Variants in FAM185A observed in about 807,000 individuals in gnomAD.
FAM185A encodes protein FAM185A.
Under a neutral mutation model 45.7 loss-of-function variants are expected in FAM185A, and 21 were observed. The ratio of observed to expected loss-of-function variants is 0.46; its 90% CI spans 0.33 to 0.66. The LOEUF (loss-of-function observed/expected upper bound fraction) is 0.66. Among genes scored for constraint, FAM185A ranks in the 30% least tolerant of loss-of-function variants. FAM185A has a pLI of 0.03. For synonymous variants in FAM185A, 117 were observed against 194.0 expected (o/e 0.60, Z 3.30); for missense variants, 305 against 485.4 (o/e 0.63, Z 3.49).
the FAM185A span, among the ~76,000 whole-genome samples, chr7:102,818,035 T>C: frequency 6.6e-6 from 1 of 152,252 alleles, no homozygotes; most frequent in Non-Finnish European, 1.5e-5. Context: ...TTGTTTCTTA[T>C]AAATTAAAAG....
chr7:102,826,483 C>G, the FAM185A span, among the ~76,000 whole-genome samples: 1 of 151,492 alleles, frequency 6.6e-6, no homozygotes, highest in Non-Finnish European at 1.5e-5. Flanking sequence ...TGCCTATAAT[C>G]CTAGCATTTT....
the FAM185A span, among the ~76,000 whole-genome samples, chr7:102,840,075 A>C: frequency 6.6e-6 from 1 of 152,226 alleles, no homozygotes; most frequent in African/African-American, 2.4e-5. Context: ...TTAACATATA[A>C]AATTTGACAG....
At chr7:102,810,325 G>A (rs988575975), downstream of FAM185A, among the ~76,000 whole-genome samples, 2 of 149,690 alleles carry the variant, frequency 1.3e-5, no homozygotes, top group Non-Finnish European at 3.0e-5. Flanking sequence ...CTCTGCCTCC[G>A]AGGTTCAAGC....
intron 6 of FAM185A, among the ~76,000 whole-genome samples, chr7:102,782,705 T>G (rs1795487786): frequency 6.6e-6 from 1 of 152,042 alleles, no homozygotes; most frequent in South Asian, 2.1e-4. Context: ...CATGCCAAAT[T>G]GTGAAGACCA....
At chr7:102,812,052 A>C (rs1289210362), downstream of FAM185A, among the ~76,000 whole-genome samples, 1 of 152,224 alleles carries the variant, frequency 6.6e-6, no homozygotes, top group Admixed American at 6.5e-5. Flanking sequence ...GGATACAAAA[A>C]GAGAATTAAC....
intron 4 of FAM185A, among the ~76,000 whole-genome samples, chr7:102,762,317 A>G (rs939765624): frequency 3.3e-5 from 5 of 152,212 alleles, no homozygotes; most frequent in South Asian, 2.1e-4. Context: ...TGATGAGGTA[A>G]TATGGCAAAG....
At chr7:102,796,332 G>A (rs898268956) in intron 7 of FAM185A, among the ~76,000 whole-genome samples, 4 of 152,238 alleles carry the variant, frequency 2.6e-5, no homozygotes, top group Admixed American at 1.3e-4. Flanking sequence ...GATGTTATCC[G>A]CAGGAGCAAT....
intron 5 of FAM185A, among the ~76,000 whole-genome samples, chr7:102,773,571 C>T (rs916099044): frequency 9.2e-5 from 14 of 152,026 alleles, no homozygotes; most frequent in South Asian, 4.2e-4. Context: ...TGGGTAAATA[C>T]GTAGGTATGG....
rs1793227753 is a variant in FAM185A at position 102,749,605 on chromosome 7, C to G, written c.398C>G (p.Ser133Cys). 6.6e-7 allele frequency: 1 copy of G among 1,520,296 alleles called. No homozygotes were observed. The highest frequency in any genetic ancestry group is 8.8e-7 in the Non-Finnish European group (1 of 1,132,472). 94.2% of individuals were successfully genotyped at this position (1,520,296 alleles called of 1,614,324 possible). A position where few individuals can be genotyped will look rare whatever the true frequency, so the allele number is the denominator to read the frequency against. Residue 133 changes from serine (S) to cysteine (C), a missense_variant, in exon 1 of 8, where the codon TCT becomes TGT. Coordinates refer to ENST00000413034, the MANE Select transcript of FAM185A (RefSeq NM_001145268.2). The part of the protein sequence containing the change: ...DEDLEEMAIV[S>C]DTIHPQASVE... ...GATCTGGAGGAGATGGCCATTGTGT[C>G]TGATACTATCCACCCCCAGGCGTCC...
chr7:102,787,224 G>A, intron 6 of FAM185A, 111 bp from the exon 7 acceptor site: 2 of 929,858 alleles, frequency 2.2e-6, no homozygotes, highest in Non-Finnish European at 2.9e-6. Context: ...GTATGCTGAG[G>A]AGTAAAAACA....
At chr7:102,750,573 A>G (rs191711917) in intron 1 of FAM185A, among the ~76,000 whole-genome samples, 32 of 152,226 alleles carry the variant, frequency 2.1e-4, no homozygotes, top group Non-Finnish European at 3.1e-4. Flanking sequence ...TGTATTTGTT[A>G]TTATTGTTCA....
chr7:102,842,555 A>T, the FAM185A span, among the ~76,000 whole-genome samples: 2 of 152,370 alleles, frequency 1.3e-5, no homozygotes, highest in African/African-American at 4.8e-5. Context: ...TAGTGATTCA[A>T]ACTAAGTATT....
intron 2 of FAM185A, among the ~76,000 whole-genome samples, chr7:102,753,041 A>G (rs1429089710): frequency 5.3e-5 from 8 of 152,144 alleles, no homozygotes; most frequent in Non-Finnish European, 1.0e-4. Context: ...CATATGAATC[A>G]GTTCAAATAA....
chr7:102,770,697 T>TA (rs1218303937), intron 4 of FAM185A, among the ~76,000 whole-genome samples: 1 of 151,750 alleles, frequency 6.6e-6, no homozygotes, highest in Non-Finnish European at 1.5e-5. Context: ...TAAAAATAAG[T>TA]AAAAAAACAA....
At chr7:102,810,183 T>A (rs543636539), downstream of FAM185A, among the ~76,000 whole-genome samples, 1 of 152,172 alleles carries the variant, frequency 6.6e-6, no homozygotes, top group African/African-American at 2.4e-5. Context: ...AAAACAAGAA[T>A]GGCCTAAATC....
chr7:102,849,758 A>T, the FAM185A span, among the ~76,000 whole-genome samples: 3 of 152,322 alleles, frequency 2.0e-5, no homozygotes, highest in Non-Finnish European at 2.9e-5. Context: ...AAAGATTACC[A>T]CATGCCCAGA....
chr7:102,796,037 T>C (rs1796422255), intron 7 of FAM185A, among the ~76,000 whole-genome samples: 1 of 152,002 alleles, frequency 6.6e-6, no homozygotes, highest in South Asian at 2.1e-4. Flanking sequence ...GAGCTGGCTA[T>C]GCAGGAGACC....
chr7:102,848,825 C>T, the FAM185A span, among the ~76,000 whole-genome samples: 54 of 151,984 alleles, frequency 3.6e-4, no homozygotes, highest in African/African-American at 1.3e-3. Context: ...ATGGTGAAGT[C>T]GCATTTCTAC....
At chr7:102,800,737 G>A (rs1796739476) in intron 7 of FAM185A, among the ~76,000 whole-genome samples, 1 of 152,064 alleles carries the variant, frequency 6.6e-6, no homozygotes, top group Non-Finnish European at 1.5e-5. Context: ...CTGGGAGTAT[G>A]TTAAATGACC....
Sources: gnomAD v4.1 joint callset for allele counts (sites outside exome capture counted in the v4.1 genomes callset) on GRCh38, gnomAD v4.1.1 for gene constraint, MANE v1.5 for transcripts, NCBI Gene and HGNC (gene_info 2026-07-23, HGNC 2026-07-21) for gene names.